MAGEB16: variants seen among roughly 807,000 people sequenced by gnomAD.
The protein encoded by MAGEB16 is MAGE family member B16.
For synonymous variants in MAGEB16, 95 were observed against 92.1 expected, an observed-to-expected ratio of 1.03 and a Z score of -0.18; for missense variants, 217 against 234.0, an observed-to-expected ratio of 0.93 and a Z score of 0.47.
intron 1 of MAGEB16, chrX:35,800,484 C>A: frequency 3.8e-6 from 2 of 524,466 alleles, no homozygotes; most frequent in East Asian, 7.2e-5. Context: ...TTACAGTTGC[C>A]ACAGGGAGAT....
At chrX:35,802,996 A>G (rs1934880150) in exon 2 of MAGEB16, 1 of 1,212,067 alleles carries the variant, frequency 8.3e-7, no homozygotes. Context: ...CAGGTGGCCA[A>G]CAGTGATCCT....
intron 1 of MAGEB16, chrX:35,800,650 C>T (rs1268613621): frequency 1.6e-5 from 8 of 515,734 alleles, no homozygotes; most frequent in East Asian, 1.1e-4. Flanking sequence ...GCCCTGCTGT[C>T]GGTTGTGGGA....
chrX:35,802,293 G>T (rs1569183940), exon 2 of MAGEB16: 1 of 1,210,966 alleles, frequency 8.3e-7, no homozygotes, highest in Non-Finnish European at 1.1e-6. Context: ...GGTCTCCAAG[G>T]CTCTGGAGAA....
chrX:35,803,175 A>C, exon 2 of MAGEB16: 2 of 1,153,668 alleles, frequency 1.7e-6, no homozygotes, highest in Non-Finnish European at 2.3e-6. Context: ...AATTTGAGTC[A>C]GGGCTGACTC....
exon 2 of MAGEB16, chrX:35,803,074 T>C: frequency 5.0e-6 from 6 of 1,211,617 alleles, no homozygotes; most frequent in Non-Finnish European, 6.7e-6. Flanking sequence ...GTCCTGGAGT[T>C]TGTGGCCAAA....
chrX:35,800,010 A>T (rs1934849229), intron 1 of MAGEB16, among the ~76,000 whole-genome samples: 1 of 111,234 alleles, frequency 9.0e-6, no homozygotes, highest in Non-Finnish European at 1.9e-5. Flanking sequence ...TGGACTTAGG[A>T]CTGAGAGAAG....
chrX:35,800,099 T>C (rs1199353028), intron 1 of MAGEB16, among the ~76,000 whole-genome samples: 2 of 111,399 alleles, frequency 1.8e-5, no homozygotes, highest in African/African-American at 6.5e-5. Context: ...CTAGATGAAG[T>C]GTCCCCTCAC....
exon 2 of MAGEB16, chrX:35,802,896 G>A (rs760012350): frequency 4.3e-5 from 52 of 1,210,352 alleles, no homozygotes; most frequent in South Asian, 2.6e-4. Context: ...TTTGACGGGA[G>A]TATATTCTGG....
intron 1 of MAGEB16, chrX:35,800,575 A>G: frequency 3.8e-6 from 2 of 525,213 alleles, no homozygotes; most frequent in Non-Finnish European, 3.5e-6. Flanking sequence ...CAAAGTAAGG[A>G]CCCTGAGTGA....
At position 35,799,736 on chromosome X, in the gene MAGEB16, G is replaced by A. The variant is rs185522793; in HGVS notation, c.-67+1318G>A. 3.9e-3 allele frequency among the ~76,000 whole-genome samples: 439 copies of A among 111,673 alleles called. 3 individuals carry two copies. The highest frequency in any genetic ancestry group is 0.014 in the African/African-American group (422 of 30,746). Reference sequence around the variant, plus strand: ...TGTTCAGTGAGAAGGAGGTCTTATTGTGAGGGAAAACTTAAGTCAGAAGGA... The same window carrying A: ...TGTTCAGTGAGAAGGAGGTCTTATTATGAGGGAAAACTTAAGTCAGAAGGA... On this transcript the variant is annotated intron_variant, in intron 1 of 1. Transcript: ENST00000399988.
At chrX:35,802,375 G>C in exon 2 of MAGEB16, 1 of 1,208,107 alleles carries the variant, frequency 8.3e-7, no homozygotes, top group Non-Finnish European at 1.1e-6. Flanking sequence ...AAGGCAGAGA[G>C]TCCTCTTGAG....
intron 1 of MAGEB16, chrX:35,798,756 C>T (rs751445008): frequency 8.9e-6 from 1 of 112,122 alleles, no homozygotes; most frequent in Non-Finnish European, 1.9e-5. Flanking sequence ...TGCTTACTGA[C>T]TTCCGCCTGC....
chrX:35,799,101 C>T (rs1384935921), intron 1 of MAGEB16, among the ~76,000 whole-genome samples: 1 of 101,635 alleles, frequency 9.8e-6, no homozygotes, highest in African/African-American at 3.7e-5. Flanking sequence ...CCAGGATGGT[C>T]TCGATCTCCT....
chrX:35,800,509 T>A, intron 1 of MAGEB16: 1 of 525,063 alleles, frequency 1.9e-6, no homozygotes, highest in East Asian at 3.6e-5. Context: ...TTTTTCTTTT[T>A]TCGGCAGGAG....
intron 1 of MAGEB16, 188 bp downstream of exon 1, chrX:35,798,606 A>C (rs943241638): frequency 6.3e-5 from 7 of 111,274 alleles, no homozygotes; most frequent in African/African-American, 2.3e-4. Flanking sequence ...GCCGAGAGTT[A>C]AAAAAGAAAA....
At chrX:35,801,558 C>T (rs1934862408) in intron 1 of MAGEB16, among the ~76,000 whole-genome samples, 1 of 111,826 alleles carries the variant, frequency 8.9e-6, no homozygotes, top group African/African-American at 3.3e-5. Flanking sequence ...GGAGGTGGAA[C>T]CTTTTGTCTG....
At chrX:35,801,806 C>T in intron 1 of MAGEB16, among the ~76,000 whole-genome samples, 1 of 112,860 alleles carries the variant, frequency 8.9e-6, no homozygotes, top group Non-Finnish European at 1.9e-5. Context: ...GGAAGTGGCA[C>T]AGGCCCTATC....
exon 2 of MAGEB16, chrX:35,802,671 T>C (rs1893643935): frequency 8.3e-7 from 1 of 1,209,484 alleles, no homozygotes. Flanking sequence ...CCTGAGAGCT[T>C]CTGAGCACCT....
At chrX:35,802,581 C>A (rs1297340140) in exon 2 of MAGEB16, 1 of 1,211,514 alleles carries the variant, frequency 8.3e-7, no homozygotes, top group Admixed American at 2.2e-5. Flanking sequence ...GCACAAGTGT[C>A]AGATGAAAAA....
Sources: allele counts gnomAD v4.1 joint callset (sites outside exome capture counted in the v4.1 genomes callset), GRCh38; gene constraint gnomAD v4.1.1; transcripts MANE v1.5; gene names NCBI Gene and HGNC (gene_info 2026-07-23, HGNC 2026-07-21).